Variants in FBXO44 observed in about 807,000 individuals in gnomAD.
FBXO44 encodes F-box protein 44.
Under a neutral mutation model 33.5 loss-of-function variants are expected in FBXO44, and 25 were observed. The observed-to-expected ratio is 0.75, with a 90% CI of 0.54 to 1.04. The LOEUF is 1.04. FBXO44 is among the 50% of genes least tolerant of loss of function. The pLI, the probability that FBXO44 is intolerant of heterozygous loss-of-function variation, is 0.00. For missense variants in FBXO44, 311 were observed against 344.0 expected, an observed-to-expected ratio of 0.90 and a Z score of 0.76; for synonymous variants, 147 against 152.8, an observed-to-expected ratio of 0.96 and a Z score of 0.28.
In FBXO44 at chr1:11,661,277, C is replaced by G. The variant is rs555728227; in HGVS notation, c.*4C>G. 1 of 1,614,102 alleles carries G rather than the reference C, an allele frequency of 6.2e-7. No homozygotes were observed. Among genetic ancestry groups the G allele is most frequent in the African/African-American group, 1.3e-5 (1 of 75,040 alleles). ...CATCGGGCCCCCGCTGCCCTGACACCCCCTGAGCCCCCATCTGCTGAACCC... is the reference window on the plus strand; with the variant it reads ...CATCGGGCCCCCGCTGCCCTGACACGCCCTGAGCCCCCATCTGCTGAACCC... On this transcript the variant is annotated 3_prime_UTR_variant, in exon 6 of 6. Coordinates refer to ENST00000251547, the MANE Select transcript of FBXO44 (RefSeq NM_033182.7). This position sits in a 1 kb window ranked among gnomAD's most constrained non-coding sequence, Gnocchi z 4.4.
At position 11,661,278 on chromosome 1, in the gene FBXO44, C is replaced by T. The variant is rs1463335465; in HGVS notation, c.*5C>T. ...ATCGGGCCCCCGCTGCCCTGACACC[C>T]CCTGAGCCCCCATCTGCTGAACCCT... On this transcript the variant is annotated 3_prime_UTR_variant, in exon 6 of 6. Transcript: ENST00000251547. This position sits in a 1 kb window ranked among gnomAD's most constrained non-coding sequence, Gnocchi z 4.4. 6 of 1,613,988 alleles carry T rather than the reference C, an allele frequency of 3.7e-6. No homozygotes were observed. Among genetic ancestry groups the T allele is most frequent in the Non-Finnish European group, 5.1e-6 (6 of 1,180,008 alleles).
At chr1:11,658,016 T>C (rs1365413811) in intron 2 of FBXO44, among the ~76,000 whole-genome samples, 1 of 152,140 alleles carries the variant, frequency 6.6e-6, no homozygotes, top group African/African-American at 2.4e-5. Flanking sequence ...ATCAGAGCGT[T>C]CTCCATCACA....
chr1:11,658,700 C>T (rs180915564), intron 4 of FBXO44, 36 bp from the exon 5 acceptor site: 1 of 1,474,558 alleles, frequency 6.8e-7, no homozygotes, highest in Admixed American at 1.7e-5. Context: ...TGCCCCCAAT[C>T]TCCGAGGCCC....
chr1:11,655,747 T>C (rs769079317), intron 1 of FBXO44, 59 bp from the exon 2 acceptor site: 40 of 1,535,162 alleles, frequency 2.6e-5, no homozygotes, highest in South Asian at 2.0e-4. Context: ...AGAGGCACCA[T>C]GCTCTCCCGA....
At position 11,656,068 on chromosome 1, in the gene FBXO44, A is replaced by G. The variant is rs768977855; in HGVS notation, c.233A>G (p.His78Arg). 1.9e-6 allele frequency: 3 copies of G among 1,614,112 alleles called. No individual in the cohort carries two copies. The Admixed American group carries it at 5.0e-5, about 27-fold the overall frequency. The change falls in exon 2 of 6, where the codon CAC becomes CGC. Residue 78 changes from histidine to arginine, a missense_variant. Coordinates refer to ENST00000251547, the MANE Select transcript of FBXO44 (RefSeq NM_033182.7). ...WKIFYFLRSL[H>R]RNLLHNPCAE... ...ATCTTCTACTTCTTACGGAGCCTGCACAGGAACCTCCTGCACAACCCGTGC... is the reference window on the plus strand; with the variant it reads ...ATCTTCTACTTCTTACGGAGCCTGCGCAGGAACCTCCTGCACAACCCGTGC...
At chr1:11,660,130 T>A (rs892311635) in intron 5 of FBXO44, among the ~76,000 whole-genome samples, 3 of 152,240 alleles carry the variant, frequency 2.0e-5, no homozygotes, top group Non-Finnish European at 4.4e-5. Context: ...TACAACTGAG[T>A]ACCTGAATTT....
At chr1:11,659,185 C>T (rs139533860) in intron 5 of FBXO44, among the ~76,000 whole-genome samples, 1 of 152,126 alleles carries the variant, frequency 6.6e-6, no homozygotes, top group South Asian at 2.1e-4. Flanking sequence ...GTTGGGAGTT[C>T]GAGACCAGCC....
chr1:11,658,475 A>G, intron 3 of FBXO44, 58 bp from the exon 4 acceptor site: 1 of 1,608,660 alleles, frequency 6.2e-7, no homozygotes, highest in Non-Finnish European at 8.5e-7. Context: ...GGGCAGTCCT[A>G]GCCCCTCACT....
At position 11,657,537 on chromosome 1, in the gene FBXO44, C is replaced by G. The variant is rs538525985; in HGVS notation, c.266-730C>G. ...GGTGGATCATCTGAGGTCAGGAGAT[C>G]GAGACCAGCTTGGCCAACATGGCGA... On this transcript the variant is annotated intron_variant, in intron 2 of 5. Coordinates refer to ENST00000251547, the MANE Select transcript of FBXO44 (RefSeq NM_033182.7). Among the ~76,000 whole-genome samples, 5 of 152,252 alleles carry G rather than the reference C, an allele frequency of 3.3e-5. 1 individual carries two copies. The highest frequency in any genetic ancestry group is 2.1e-4 in the South Asian group (1 of 4,824).
chr1:11,655,640 C>A, intron 1 of FBXO44, 166 bp from the exon 2 acceptor site: 1 of 658,018 alleles, frequency 1.5e-6, no homozygotes, highest in Non-Finnish European at 2.5e-6. Flanking sequence ...CAGAGCTCAC[C>A]TTTTATTAAA....
At chr1:11,656,126 G>A (rs548546182) in intron 2 of FBXO44, 26 bp downstream of exon 2, 2 of 1,610,084 alleles carry the variant, frequency 1.2e-6, no homozygotes, top group Admixed American at 1.7e-5. Context: ...GGTCTGGCAT[G>A]CCTCCAGTAC....
At chr1:11,655,440 G>A (rs1639710625) in intron 1 of FBXO44, 1 of 222,208 alleles carries the variant, frequency 4.5e-6, no homozygotes, top group Non-Finnish European at 9.1e-6. Context: ...GGATGGGAGA[G>A]AGGATGGTGA....
rs60133415 is a variant in FBXO44, at chr1:11,662,954, C to CTTTTTTTTTTTTTTTTT, written c.*1685_*1701dup. 3.2e-5 allele frequency: 4 copies of CTTTTTTTTTTTTTTTTT among 126,612 alleles called. No homozygotes were observed. The highest frequency in any genetic ancestry group is 4.5e-4 in the East Asian group (2 of 4,446). The allele number at this position is 126,612 out of a possible 1,614,324, so 7.8% of individuals were successfully genotyped here. ...GTAAGTTCCTTTTTTCTTTTCTTTT[C>CTTTTTTTTTTTTTTTTT]TTTTTTTTTTTTTTTTTTTTGAGAT... On this transcript the variant is annotated 3_prime_UTR_variant, in exon 6 of 6. Coordinates refer to ENST00000251547, the MANE Select transcript of FBXO44 (RefSeq NM_033182.7).
At chr1:11,654,676 G>A, upstream of FBXO44, 1 of 261,066 alleles carries the variant, frequency 3.8e-6, no homozygotes, top group Non-Finnish European at 7.2e-6. Context: ...GCGGCTAGGG[G>A]AGGCACGGAG....
intron 1 of FBXO44, 78 bp from the exon 2 acceptor site, chr1:11,655,728 C>A (rs781253985): frequency 2.4e-4 from 358 of 1,471,916 alleles, no homozygotes; most frequent in Non-Finnish European, 2.9e-4. Context: ...GAGAAGGAAA[C>A]AGGCTGGGAG....
chr1:11,657,128 T>A (rs1294327736), intron 2 of FBXO44, among the ~76,000 whole-genome samples: 1 of 152,218 alleles, frequency 6.6e-6, no homozygotes, highest in Non-Finnish European at 1.5e-5. Context: ...TCCTCCAAGC[T>A]GTGCATGAGC....
chr1:11,654,470 C>A (rs910137543), upstream of FBXO44: 2 of 910,926 alleles, frequency 2.2e-6, no homozygotes, highest in Non-Finnish European at 2.9e-6. Context: ...GGCCCCCGAC[C>A]CGACCCGCCC....
rs1262880254 is a variant in FBXO44, at chr1:11,661,586, G to A, written c.*313G>A. The A allele has an allele frequency of 7.5e-6, 3 of 398,766 alleles. No homozygotes were observed. The highest frequency in any genetic ancestry group is 1.4e-5 in the Non-Finnish European group (3 of 220,918). The allele number at this position is 398,766 out of a possible 1,614,324, so 24.7% of individuals were successfully genotyped here. ...GCCCCTCAGAAAGTCGAGCTTGGAGGCCAGCCTGGATCTGTCTCTCCCTTC... is the reference window on the plus strand; with the variant it reads ...GCCCCTCAGAAAGTCGAGCTTGGAGACCAGCCTGGATCTGTCTCTCCCTTC... On this transcript the variant is annotated 3_prime_UTR_variant, in exon 6 of 6. Transcript: ENST00000251547. The surrounding 1 kb of genome is among the most constrained non-coding windows in gnomAD (Gnocchi z 4.4).
Position 11,661,195 on chromosome 1 carries a change from G to A in FBXO44, c.690G>A (p.Val230=), listed in dbSNP as rs1236446822. 1.2e-6 allele frequency: 2 copies of A among 1,613,940 alleles called. No homozygotes were observed. The highest frequency in any genetic ancestry group is 1.7e-6 in the Non-Finnish European group (2 of 1,180,016). ...VRYIWFQHGG[V]DTHYWAGWYG... ...ACATCTGGTTTCAGCACGGCGGCGT[G>A]GACACTCATTACTGGGCCGGCTGGT... The change falls in exon 6 of 6, where the codon GTG becomes GTA. Residue 230 remains valine, a synonymous_variant. Transcript: ENST00000251547. This position sits in a 1 kb window ranked among gnomAD's most constrained non-coding sequence, Gnocchi z 4.4.
Sources: gnomAD v4.1 joint callset for allele counts (sites outside exome capture counted in the v4.1 genomes callset) on GRCh38, gnomAD v4.1.1 for gene constraint, Gnocchi (gnomAD v3.1) non-coding constraint, MANE v1.5 for transcripts, NCBI Gene and HGNC (gene_info 2026-07-23, HGNC 2026-07-21) for gene names.